Variants in ZNF329 observed in about 807,000 individuals in gnomAD.
The protein encoded by ZNF329 is zinc finger protein 329.
Under a neutral mutation model 26.6 loss-of-function variants are expected in ZNF329, and 15 were observed. The observed-to-expected ratio is 0.56, with a 90% confidence interval of 0.38 to 0.87. The LOEUF is 0.87. Among genes scored for constraint, ZNF329 ranks in the 40% least tolerant of loss-of-function variants. ZNF329 has a pLI of 0.00. For synonymous variants in ZNF329, 239 were observed against 233.5 expected, an observed-to-expected ratio of 1.02 and a Z score of -0.21; for missense variants, 651 against 651.9, an observed-to-expected ratio of 1.00 and a Z score of 0.02.
chr19:58,148,774 T>C (rs77214741), intron 1 of ZNF329, among the ~76,000 whole-genome samples: 5,673 of 152,292 alleles, frequency 0.037, 366 homozygotes, highest in African/African-American at 0.13. Flanking sequence ...ATGATATCTA[T>C]AACATACTTC....
chr19:58,150,150 A>C (rs2075416759), intron 1 of ZNF329, among the ~76,000 whole-genome samples: 1 of 152,232 alleles, frequency 6.6e-6, no homozygotes, highest in Admixed American at 6.5e-5. Context: ...AAGGGAAAAG[A>C]CAGCAAAATG....
chr19:58,146,862 G>C (rs1484370594), intron 1 of ZNF329, among the ~76,000 whole-genome samples: 3 of 151,794 alleles, frequency 2.0e-5, no homozygotes, highest in African/African-American at 7.3e-5. Context: ...GCTCAATGGT[G>C]CCCAGGCTGG....
chr19:58,144,924 A>G (rs949336351), intron 1 of ZNF329, among the ~76,000 whole-genome samples: 1 of 145,098 alleles, frequency 6.9e-6, no homozygotes, highest in African/African-American at 2.6e-5. Context: ...ATCTCTGCTC[A>G]CTGCAAGCTC....
intron 3 of ZNF329, among the ~76,000 whole-genome samples, chr19:58,129,955 A>C (rs1342967472): frequency 2.0e-5 from 3 of 152,326 alleles, no homozygotes; most frequent in East Asian, 3.9e-4. Context: ...CTGTCATCAA[A>C]GTTCTGCATT....
At chr19:58,145,636 C>T (rs1202964185) in intron 1 of ZNF329, among the ~76,000 whole-genome samples, 2 of 152,094 alleles carry the variant, frequency 1.3e-5, no homozygotes, top group Non-Finnish European at 2.9e-5. Context: ...AATTTCTCAA[C>T]TCACAAAAGG....
upstream of ZNF329, among the ~76,000 whole-genome samples, chr19:58,152,345 C>A (rs1192895211): frequency 6.7e-6 from 1 of 149,986 alleles, no homozygotes; most frequent in African/African-American, 2.5e-5. Flanking sequence ...GCCTGGCCAA[C>A]ATGGTGAAAC....
In ZNF329 at chr19:58,141,606, T is replaced by A. The variant is rs796094933; in HGVS notation, c.-9+951A>T. Reference sequence around the variant, plus strand: ...CACTGTGCCCGGCCTGGCCTAATGCTCTTGGCCAGGTGCAGTGGTTCATGC... The same window carrying A: ...CACTGTGCCCGGCCTGGCCTAATGCACTTGGCCAGGTGCAGTGGTTCATGC... On this transcript the variant is annotated intron_variant, in intron 3 of 3. Coordinates refer to ENST00000598312, the MANE Select transcript of ZNF329 (RefSeq NM_024620.4). 5.3e-5 allele frequency among the ~76,000 whole-genome samples: 8 copies of A among 152,140 alleles called. 1 individual carries two copies. Among genetic ancestry groups the A allele is most frequent in the African/African-American group, 1.9e-4 (8 of 41,556 alleles).
chr19:58,127,726 TA>T lies in ZNF329; in HGVS notation c.*151del, dbSNP rs1243899723. 1.3e-6 allele frequency: 1 copy of T among 787,652 alleles called. No homozygotes were observed. Among genetic ancestry groups the T allele is most frequent in the Non-Finnish European group, 2.0e-6 (1 of 504,772 alleles). 48.8% of individuals were successfully genotyped at this position (787,652 alleles called of 1,614,324 possible). On this transcript the variant is annotated 3_prime_UTR_variant, in exon 4 of 4. Coordinates refer to ENST00000598312, the MANE Select transcript of ZNF329 (RefSeq NM_024620.4). ...TCTGGAGTTCCCCAATGAGCAGACT[TA>T]ACAGTGTGGCTCAGCAATGTCTCAC...
At chr19:58,131,605 A>G (rs895046914) in intron 3 of ZNF329, among the ~76,000 whole-genome samples, 3 of 152,180 alleles carry the variant, frequency 2.0e-5, no homozygotes, top group African/African-American at 7.2e-5. Context: ...GAGAGAAAAT[A>G]AGATTTAAAA....
chr19:58,151,339 A>C (rs1443662903), upstream of ZNF329, among the ~76,000 whole-genome samples: 2 of 152,164 alleles, frequency 1.3e-5, no homozygotes, highest in East Asian at 3.9e-4. Flanking sequence ...TGGTATGTGC[A>C]ACGGAGCAAT....
At chr19:58,141,893 C>CA (rs75871989) in intron 3 of ZNF329, among the ~76,000 whole-genome samples, 2,851 of 123,044 alleles carry the variant, frequency 0.023, 81 homozygotes, top group African/African-American at 0.071. Flanking sequence ...ACCTCCATCT[C>CA]AAAAAAAAAA....
At chr19:58,152,785 A>G (rs2075480819), upstream of ZNF329, among the ~76,000 whole-genome samples, 1 of 152,002 alleles carries the variant, frequency 6.6e-6, no homozygotes, top group Non-Finnish European at 1.5e-5. Flanking sequence ...TGAATCCTGG[A>G]GGCGGAGGTT....
rs1428962401 is a variant in ZNF329 at position 58,145,313 on chromosome 19, CCTTT to C, written c.-207-2119_-207-2116del. 2.2e-5 allele frequency among the ~76,000 whole-genome samples: 3 copies of C among 136,368 alleles called. No homozygotes were observed. In the East Asian group the frequency reaches 6.3e-4, roughly 29 times the overall value. The allele number at this position is 136,368 out of a possible 152,430, so 89.5% of individuals were successfully genotyped here. Reference sequence around the variant, plus strand: ...AGCCAAAAAAAATTTCTTTTTTCTTCCTTTTTTTTTTTTTTTTTTTTTTTTGGAG... The same window carrying C: ...AGCCAAAAAAAATTTCTTTTTTCTTCTTTTTTTTTTTTTTTTTTTTTGGAG... On this transcript the variant is annotated intron_variant, in intron 1 of 3. Coordinates refer to ENST00000598312, the MANE Select transcript of ZNF329 (RefSeq NM_024620.4).
chr19:58,151,597 G>A (rs1317214087), upstream of ZNF329, among the ~76,000 whole-genome samples: 1 of 114,838 alleles, frequency 8.7e-6, no homozygotes, highest in South Asian at 2.8e-4. Context: ...GGGAGACTTC[G>A]TCTCAAAAAA....
chr19:58,130,424 G>A (rs2074911361), intron 3 of ZNF329, among the ~76,000 whole-genome samples: 1 of 151,976 alleles, frequency 6.6e-6, no homozygotes, highest in Admixed American at 6.6e-5. Context: ...TGTAATCCCA[G>A]CACTTTGGGA....
In ZNF329 at chr19:58,128,308, T is replaced by C; in HGVS notation, c.1196A>G (p.Tyr399Cys). 2 of 1,613,868 alleles carry C rather than the reference T, an allele frequency of 1.2e-6. No homozygotes were observed. Among genetic ancestry groups the C allele is most frequent in the Non-Finnish European group, 1.7e-6 (2 of 1,179,864 alleles). Residue 399 changes from tyrosine to cysteine, a missense_variant, in exon 4 of 4, where the codon TAT becomes TGT. Tyr to Cys is a radical substitution (Grantham distance 194, BLOSUM62 -2). Transcript: ENST00000598312. ...HQKIHSGEKP[Y>C]ECKECGKTFI... is the part of the protein sequence containing the mutation. ...AGTCTTGCCACATTCTTTACATTCA[T>C]AGGGTTTCTCCCCAGAATGGATCTT...
intron 3 of ZNF329, among the ~76,000 whole-genome samples, chr19:58,134,838 AAGC>A: frequency 6.6e-6 from 1 of 152,280 alleles, no homozygotes; most frequent in South Asian, 2.1e-4. Flanking sequence ...CAGGAGGCTG[AAGC>A]AGAAGAATTG....
At chr19:58,142,092 A>G (rs1201349935) in intron 3 of ZNF329, among the ~76,000 whole-genome samples, 12 of 152,136 alleles carry the variant, frequency 7.9e-5, no homozygotes, top group African/African-American at 2.9e-4. Context: ...GACCCATGCT[A>G]TAACATGAAA....
At chr19:58,137,121 T>C (rs2075089488) in intron 3 of ZNF329, 1 of 152,712 alleles carries the variant, frequency 6.5e-6, no homozygotes. Flanking sequence ...GTTGTACTTT[T>C]AGGGCTCACC....
Sources: gnomAD v4.1 joint callset for allele counts (sites outside exome capture counted in the v4.1 genomes callset) on GRCh38, gnomAD v4.1.1 for gene constraint, MANE v1.5 for transcripts, NCBI Gene and HGNC (gene_info 2026-07-23, HGNC 2026-07-21) for gene names.